Variants in DTHD1 observed in about 807,000 individuals in gnomAD.
The protein encoded by DTHD1 is death domain containing 1, also known as death domain-containing protein 1.
A neutral mutation model predicts 74.8 loss-of-function variants in DTHD1; 59 were observed. That is an observed-to-expected ratio of 0.79 (90% CI 0.64 to 0.98). The LOEUF (loss-of-function observed/expected upper bound fraction) is 0.98, where lower values mean the gene tolerates loss of function less well. Among genes scored for constraint, DTHD1 ranks in the 50% least tolerant of loss-of-function variants. The pLI is 0.00. For synonymous variants in DTHD1, 365 were observed against 371.1 expected, an observed-to-expected ratio of 0.98 and a Z score of 0.19; for missense variants, 1,051 against 1,065.4, an observed-to-expected ratio of 0.99 and a Z score of 0.19.
chr4:36,345,553 G>A lies in DTHD1; in HGVS notation c.*1729G>A, dbSNP rs1759544528. 2 of 151,978 alleles carry A rather than the reference G, an allele frequency of 1.3e-5. No individual in the cohort carries two copies. The highest frequency in any genetic ancestry group is 2.9e-5 in the Non-Finnish European group (2 of 67,978). 9.4% of individuals were successfully genotyped at this position (151,978 alleles called of 1,614,324 possible). The stretch of plus-strand genomic sequence containing the variant: ...AACCAGGGATTTAGATATCTATTCA[G>A]GTATATATCAAAAAAGGCGATTCCC... On this transcript the variant is annotated 3_prime_UTR_variant, in exon 10 of 10. Transcript: ENST00000639862.
chr4:36,300,355 C>T (rs1756686748), intron 5 of DTHD1, among the ~76,000 whole-genome samples: 1 of 152,138 alleles, frequency 6.6e-6, no homozygotes, highest in South Asian at 2.1e-4. Context: ...TGGCTGTGAT[C>T]CCAAGGACTG....
intron 8 of DTHD1, among the ~76,000 whole-genome samples, chr4:36,316,841 T>C (rs148215842): frequency 2.6e-5 from 4 of 152,314 alleles, no homozygotes; most frequent in African/African-American, 9.6e-5. Flanking sequence ...GGAAAAGTCA[T>C]GGTGAAGAGA....
intron 4 of DTHD1, 105 bp downstream of exon 4, chr4:36,293,810 T>A (rs1277742311): frequency 8.8e-6 from 9 of 1,018,584 alleles, no homozygotes; most frequent in Non-Finnish European, 1.1e-5. Context: ...TAACAAAAAA[T>A]GGATTATTTT....
intron 5 of DTHD1, 139 bp downstream of exon 5, chr4:36,295,178 T>C: frequency 8.7e-7 from 1 of 1,143,614 alleles, no homozygotes; most frequent in African/African-American, 1.6e-5. Context: ...AAAGAAGATA[T>C]TGTGGATCCA....
In DTHD1 at chr4:36,306,179, A is replaced by G; in HGVS notation, c.1644-12A>G. On this transcript the variant is annotated splice_polypyrimidine_tract_variant and intron_variant, in intron 5 of 9. Coordinates refer to ENST00000639862, the MANE Select transcript of DTHD1 (RefSeq NM_001170700.3). ...AAATTGTACCAATATCTCTTCTGTTACCATTATATAGGACAAAAATTGCCT... is the reference window on the plus strand; with the variant it reads ...AAATTGTACCAATATCTCTTCTGTTGCCATTATATAGGACAAAAATTGCCT... 1 of 1,546,800 alleles carries G rather than the reference A, an allele frequency of 6.5e-7. No individual in the cohort carries two copies. The highest frequency in any genetic ancestry group is 1.2e-5 in the South Asian group (1 of 83,384).
At chr4:36,335,241 G>T (rs1441872983) in intron 8 of DTHD1, among the ~76,000 whole-genome samples, 1 of 151,962 alleles carries the variant, frequency 6.6e-6, no homozygotes. Context: ...AGTTTTTTGA[G>T]GGGGGGTGCT....
chr4:36,333,072 T>A (rs1042870726), intron 8 of DTHD1, among the ~76,000 whole-genome samples: 1 of 152,114 alleles, frequency 6.6e-6, no homozygotes, highest in African/African-American at 2.4e-5. Context: ...GTTAGGATGG[T>A]TTTACCTAAA....
In DTHD1 at chr4:36,290,536, T is replaced by C; in HGVS notation, c.1051T>C (p.Cys351Arg). The C allele has an allele frequency of 6.4e-7, 1 of 1,551,682 alleles. No individual in the cohort carries two copies. The highest frequency in any genetic ancestry group is 1.2e-5 in the South Asian group (1 of 84,058). ...AGTTAGCAACGTCATAACTATTGAATGCTCAGATAAGGAAAAGAGAGTTCC... is the reference window on the plus strand; with the variant it reads ...AGTTAGCAACGTCATAACTATTGAACGCTCAGATAAGGAAAAGAGAGTTCC... ...ELVSNVITIE[C>R]SDKEKRVPFP... Residue 351 changes from cysteine to arginine, a missense_variant, in exon 3 of 10, where the codon TGC becomes CGC. Coordinates refer to ENST00000639862, the MANE Select transcript of DTHD1 (RefSeq NM_001170700.3).
chr4:36,306,497 C>T, intron 6 of DTHD1, 145 bp downstream of exon 6: 1 of 866,144 alleles, frequency 1.2e-6, no homozygotes, highest in Non-Finnish European at 1.6e-6. Flanking sequence ...AAAATACAAA[C>T]CAGAATTGAC....
At position 36,343,888 on chromosome 4, in the gene DTHD1, C is replaced by A. The variant is rs1759464582; in HGVS notation, c.*64C>A. ...CACGGTGGGTTTTTGTTTCTGTCAA[C>A]ATTTTCCTGGAAGTTTCCGAATGAT... On this transcript the variant is annotated 3_prime_UTR_variant, in exon 10 of 10. Coordinates refer to ENST00000639862, the MANE Select transcript of DTHD1 (RefSeq NM_001170700.3). 17 of 1,404,600 alleles carry A rather than the reference C, an allele frequency of 1.2e-5. No homozygotes were observed. Among genetic ancestry groups the A allele is most frequent in the Non-Finnish European group, 1.5e-5 (16 of 1,060,704 alleles). The allele number at this position is 1,404,600 out of a possible 1,614,324, so 87.0% of individuals were successfully genotyped here.
intron 1 of DTHD1, among the ~76,000 whole-genome samples, chr4:36,283,315 T>C (rs1755506089): frequency 6.6e-6 from 1 of 152,210 alleles, no homozygotes; most frequent in Non-Finnish European, 1.5e-5. Flanking sequence ...TTGACCTGAG[T>C]TAGTAGGCTT....
intron 4 of DTHD1, among the ~76,000 whole-genome samples, chr4:36,294,059 A>G (rs1311166217): frequency 1.3e-5 from 2 of 151,992 alleles, no homozygotes; most frequent in African/African-American, 2.4e-5. Context: ...ATCAGCGAGG[A>G]TGACAAAAAA....
chr4:36,334,939 A>T (rs1397918580), intron 8 of DTHD1, among the ~76,000 whole-genome samples: 1 of 152,228 alleles, frequency 6.6e-6, no homozygotes, highest in African/African-American at 2.4e-5. Context: ...GATGTGCTTA[A>T]CATGTGGCAA....
At chr4:36,325,397 A>G (rs926094843) in intron 8 of DTHD1, among the ~76,000 whole-genome samples, 1 of 152,226 alleles carries the variant, frequency 6.6e-6, no homozygotes, top group African/African-American at 2.4e-5. Context: ...GCCATTGGAA[A>G]GCCATTGGAA....
intron 1 of DTHD1, among the ~76,000 whole-genome samples, chr4:36,283,602 C>T (rs1021062275): frequency 3.3e-5 from 5 of 152,096 alleles, no homozygotes; most frequent in Non-Finnish European, 7.3e-5. Flanking sequence ...TATTGTACAT[C>T]CAGTGGTAAA....
intron 8 of DTHD1, among the ~76,000 whole-genome samples, chr4:36,333,278 C>T (rs915700939): frequency 6.6e-6 from 1 of 151,748 alleles, no homozygotes; most frequent in Non-Finnish European, 1.5e-5. Context: ...GAGCTCTAGT[C>T]ATTGGGGCCA....
intron 5 of DTHD1, among the ~76,000 whole-genome samples, chr4:36,297,875 C>G (rs917855417): frequency 2.0e-5 from 3 of 151,724 alleles, no homozygotes; most frequent in Non-Finnish European, 2.9e-5. Context: ...GAGTCCAGAT[C>G]TAGGGGGGAT....
chr4:36,339,286 A>G (rs561042837), intron 9 of DTHD1, 117 bp downstream of exon 9: 38 of 669,712 alleles, frequency 5.7e-5, no homozygotes, highest in Non-Finnish European at 8.8e-5. Flanking sequence ...TCAAACAATC[A>G]TTAACTTTAT....
At chr4:36,307,346 T>G (rs533435229) in intron 6 of DTHD1, among the ~76,000 whole-genome samples, 1 of 152,216 alleles carries the variant, frequency 6.6e-6, no homozygotes, top group Non-Finnish European at 1.5e-5. Context: ...TGCCCAGGCC[T>G]CTTTTCTTGG....
Sources: allele counts gnomAD v4.1 joint callset (sites outside exome capture counted in the v4.1 genomes callset), GRCh38; gene constraint gnomAD v4.1.1; transcripts MANE v1.5; gene names NCBI Gene and HGNC (gene_info 2026-07-23, HGNC 2026-07-21).